HHAT: variants seen among roughly 807,000 people sequenced by gnomAD.
The protein encoded by HHAT is protein-cysteine N-palmitoyltransferase HHAT.
A neutral mutation model predicts 70.8 loss-of-function variants in HHAT; 47 were observed. That is an observed-to-expected ratio of 0.66 (90% CI 0.53 to 0.85). The LOEUF is 0.85. Ranked by LOEUF, HHAT falls within the 40% of genes least tolerant of loss-of-function variation. HHAT has a pLI of 0.00. For synonymous variants in HHAT, 228 were observed against 247.6 expected (o/e 0.92, Z 0.74); for missense variants, 609 against 604.8 (o/e 1.01, Z -0.07).
At chr1:210,407,352 A>C (rs1003840731) in intron 6 of HHAT, among the ~76,000 whole-genome samples, 1 of 152,258 alleles carries the variant, frequency 6.6e-6, no homozygotes, top group Non-Finnish European at 1.5e-5. Flanking sequence ...TTAGACTGGC[A>C]GGTCAATGCA....
intron 7 of HHAT, among the ~76,000 whole-genome samples, chr1:210,434,508 C>A (rs2093329977): frequency 6.6e-6 from 1 of 151,708 alleles, no homozygotes; most frequent in Non-Finnish European, 1.5e-5. Flanking sequence ...AGATATAGTC[C>A]TCAAGGGGTA....
intron 7 of HHAT, among the ~76,000 whole-genome samples, chr1:210,428,348 T>C (rs1371853774): frequency 1.7e-5 from 2 of 118,124 alleles, no homozygotes; most frequent in Non-Finnish European, 3.5e-5. Flanking sequence ...ATATATATAA[T>C]TTTGTAGTCT....
rs555787224 is a variant in HHAT at position 210,663,130 on chromosome 1, T to C, written c.1391-11158T>C. 3.9e-5 allele frequency among the ~76,000 whole-genome samples: 6 copies of C among 152,248 alleles called. No individual in the cohort carries two copies. The South Asian group carries it at 1.2e-3, about 32-fold the overall frequency. On this transcript the variant is annotated intron_variant, in intron 11 of 11. Coordinates refer to ENST00000261458, the MANE Select transcript of HHAT (RefSeq NM_018194.6). ...AACATGCTCTTCAATGCTCACAGTC[T>C]AAATTAGGCACTAACCAAGACAAAG...
At chr1:210,446,836 A>AT (rs547156923) in intron 7 of HHAT, among the ~76,000 whole-genome samples, 1 of 152,130 alleles carries the variant, frequency 6.6e-6, no homozygotes, top group East Asian at 1.9e-4. Context: ...GCATCACCAG[A>AT]TTTTTTTCTG....
chr1:210,617,259 G>T (rs950744339), intron 10 of HHAT, among the ~76,000 whole-genome samples: 1 of 152,216 alleles, frequency 6.6e-6, no homozygotes, highest in African/African-American at 2.4e-5. Context: ...GATAAAAAGT[G>T]GTGAGAGTTA....
At chr1:210,437,950 T>C (rs767260580) in intron 7 of HHAT, among the ~76,000 whole-genome samples, 81 of 151,922 alleles carry the variant, frequency 5.3e-4, no homozygotes, top group Non-Finnish European at 9.6e-4. Flanking sequence ...TTGCTGTCCT[T>C]TGGGGCCATC....
chr1:210,329,148 C>T (rs1447734146), intron 1 of HHAT, 44 bp downstream of exon 1: 2 of 1,268,222 alleles, frequency 1.6e-6, no homozygotes, highest in East Asian at 3.1e-5. Context: ...AGGTTAGATG[C>T]TGAATTTTCT....
chr1:210,433,249 G>A (rs1411407614), intron 7 of HHAT, among the ~76,000 whole-genome samples: 1 of 151,680 alleles, frequency 6.6e-6, no homozygotes, highest in Non-Finnish European at 1.5e-5. Context: ...CACAGCGCAG[G>A]TGCTTAATGA....
At chr1:210,585,299 C>T (rs1365626606) in intron 9 of HHAT, among the ~76,000 whole-genome samples, 2 of 151,994 alleles carry the variant, frequency 1.3e-5, no homozygotes, top group Non-Finnish European at 2.9e-5. Context: ...GAAACTGGAA[C>T]ACATTTGAGA....
At chr1:210,585,808 A>T (rs1460035429) in intron 9 of HHAT, among the ~76,000 whole-genome samples, 1 of 152,188 alleles carries the variant, frequency 6.6e-6, no homozygotes, top group Non-Finnish European at 1.5e-5. Context: ...ATTAAGAGGA[A>T]ACATTGGGAA....
intron 9 of HHAT, among the ~76,000 whole-genome samples, chr1:210,586,503 T>G (rs149052587): frequency 8.5e-5 from 13 of 152,290 alleles, no homozygotes; most frequent in Non-Finnish European, 1.8e-4. Flanking sequence ...AAAAACAATT[T>G]TATTTCCTCT....
intron 11 of HHAT, among the ~76,000 whole-genome samples, chr1:210,631,856 A>T (rs77382341): frequency 6.6e-6 from 1 of 152,192 alleles, no homozygotes; most frequent in South Asian, 2.1e-4. Flanking sequence ...AAGGCACTCA[A>T]ATCTTTCAGT....
intron 1 of HHAT, among the ~76,000 whole-genome samples, chr1:210,345,351 A>C (rs1433867762): frequency 6.6e-6 from 1 of 151,888 alleles, no homozygotes; most frequent in African/African-American, 2.4e-5. Context: ...AATGCATGAC[A>C]AAAAAAATGT....
At chr1:210,642,331 G>A (rs557679224) in intron 11 of HHAT, among the ~76,000 whole-genome samples, 75 of 152,264 alleles carry the variant, frequency 4.9e-4, no homozygotes, top group African/African-American at 1.7e-3. Flanking sequence ...ATTGTTTTTA[G>A]ATTGAGACTG....
Position 210,621,317 on chromosome 1 carries a change from G to A in HHAT, c.1246-2209G>A, listed in dbSNP as rs58191041. 8.4e-3 allele frequency among the ~76,000 whole-genome samples: 1,273 copies of A among 152,272 alleles called. 35 individuals are homozygous for A. The highest frequency in any genetic ancestry group is 0.054 in the East Asian group (279 of 5,178). Reference sequence around the variant, plus strand: ...CTTCTCAGGATGTGAGGCTGGGGGAGACTGATGGGGTTAGAACAGAAGTGG... The same window carrying A: ...CTTCTCAGGATGTGAGGCTGGGGGAAACTGATGGGGTTAGAACAGAAGTGG... On this transcript the variant is annotated intron_variant, in intron 10 of 11. Transcript: ENST00000261458.
intron 9 of HHAT, among the ~76,000 whole-genome samples, chr1:210,524,186 T>G (rs61402384): frequency 0.041 from 6,228 of 152,324 alleles, 411 homozygotes; most frequent in African/African-American, 0.14. Flanking sequence ...CCTGTAGTTA[T>G]CAGTACTGTA....
chr1:210,505,406 A>G (rs944124254), intron 8 of HHAT, among the ~76,000 whole-genome samples: 1 of 152,184 alleles, frequency 6.6e-6, no homozygotes, highest in African/African-American at 2.4e-5. Context: ...GCTGGGGTCT[A>G]GGGGGCCTGG....
chr1:210,584,825 T>C (rs981919309), intron 9 of HHAT, among the ~76,000 whole-genome samples: 4 of 152,226 alleles, frequency 2.6e-5, no homozygotes, highest in Non-Finnish European at 5.9e-5. Flanking sequence ...TGTTTGCTAT[T>C]GTTTCACAAG....
intron 9 of HHAT, among the ~76,000 whole-genome samples, chr1:210,518,728 G>A (rs1180090165): frequency 6.6e-6 from 1 of 152,146 alleles, no homozygotes; most frequent in African/African-American, 2.4e-5. Context: ...GGGAGGCGGA[G>A]GTTGCAGTGA....
Sources: allele counts gnomAD v4.1 joint callset (sites outside exome capture counted in the v4.1 genomes callset), GRCh38; gene constraint gnomAD v4.1.1; transcripts MANE v1.5; gene names NCBI Gene and HGNC (gene_info 2026-07-23, HGNC 2026-07-21).